OSBP2: variants seen among roughly 807,000 people sequenced by gnomAD.
OSBP2 encodes the protein oxysterol binding protein 2.
A neutral mutation model predicts 96.0 loss-of-function variants in OSBP2; 66 were observed. The ratio of observed to expected loss-of-function variants is 0.69; its 90% confidence interval spans 0.56 to 0.84. OSBP2 has a LOEUF of 0.84. OSBP2 is among the 40% of genes least tolerant of loss of function. The probability of loss-of-function intolerance (pLI) is 0.00; values close to 1 mark genes in which losing one functional copy is unlikely to be tolerated. For missense variants in OSBP2, 1,038 were observed against 1,222.7 expected (o/e 0.85, Z 2.25); for synonymous variants, 525 against 520.9 (o/e 1.01, Z -0.11).
In OSBP2 at chr22:30,861,323, G is replaced by T. The variant is rs571036486; in HGVS notation, c.854-9106G>T. On this transcript the variant is annotated intron_variant, in intron 2 of 13. Transcript: ENST00000332585. ...TCCCACAGGCCCCACCCTGGCCTTG[G>T]TAATAGGTGTCCCTGGTAGGGCGGA... Among the ~76,000 whole-genome samples the T allele has an allele frequency of 8.5e-5, 13 of 152,288 alleles. No individual in the cohort carries two copies. In the South Asian group the frequency reaches 2.5e-3, roughly 29 times the overall value.
chr22:30,744,930 C>G (rs1473444989), intron 2 of OSBP2, among the ~76,000 whole-genome samples: 1 of 152,090 alleles, frequency 6.6e-6, no homozygotes, highest in Non-Finnish European at 1.5e-5. Context: ...GGCCACAAAA[C>G]AAGTCTCAAT....
chr22:30,801,598 C>T (rs557680178), intron 2 of OSBP2, among the ~76,000 whole-genome samples: 1 of 152,298 alleles, frequency 6.6e-6, no homozygotes, highest in East Asian at 1.9e-4. Context: ...TCCTTCAAAG[C>T]GGGAGCTCAC....
At chr22:30,760,690 C>A (rs1025657298) in intron 2 of OSBP2, among the ~76,000 whole-genome samples, 1 of 152,056 alleles carries the variant, frequency 6.6e-6, no homozygotes, top group African/African-American at 2.4e-5. Flanking sequence ...GTGGTGCACA[C>A]CTGTAGTCTC....
chr22:30,695,114 G>T lies in OSBP2; in HGVS notation c.205G>T (p.Val69Leu). The T allele has an allele frequency of 6.3e-7, 1 of 1,592,782 alleles. No homozygotes were observed. Among genetic ancestry groups the T allele is most frequent in the South Asian group, 1.1e-5 (1 of 87,624 alleles). ...EPERGPLSEQ[V>L]SEAVSEAVPR... ...GGAGCGGGGACCGCTGTCAGAACAG[G>T]TGTCGGAGGCAGTTTCGGAGGCAGT... The change falls in exon 1 of 14, where the codon GTG becomes TTG. Residue 69 changes from valine (V) to leucine (L), a missense_variant. This residue lies in a region of OSBP2 where 281 missense variants were observed against 273.4 expected (regional missense o/e 1.03). Transcript: ENST00000332585.
intron 1 of OSBP2, among the ~76,000 whole-genome samples, chr22:30,722,605 C>G (rs539031579): frequency 1.3e-5 from 2 of 152,104 alleles, no homozygotes; most frequent in African/African-American, 4.8e-5. Context: ...AGATCCTGAT[C>G]TTTCTTTCTT....
At chr22:30,867,866 A>AT (rs1265331562) in intron 2 of OSBP2, among the ~76,000 whole-genome samples, 1 of 152,258 alleles carries the variant, frequency 6.6e-6, no homozygotes, top group Non-Finnish European at 1.5e-5. Flanking sequence ...CCGCATCTGC[A>AT]TTGGGCATAC....
At chr22:30,849,346 C>A (rs2038933026) in intron 2 of OSBP2, among the ~76,000 whole-genome samples, 1 of 152,116 alleles carries the variant, frequency 6.6e-6, no homozygotes. Flanking sequence ...AGTGATTATA[C>A]CATTTTACAT....
chr22:30,715,054 CT>C (rs555357856), intron 1 of OSBP2, among the ~76,000 whole-genome samples: 164 of 145,316 alleles, frequency 1.1e-3, no homozygotes, highest in Admixed American at 1.0e-3. Context: ...GAAAATGTTT[CT>C]TTTTTTTTTT....
chr22:30,826,896 A>G (rs1026051869), intron 2 of OSBP2, among the ~76,000 whole-genome samples: 3 of 151,974 alleles, frequency 2.0e-5, no homozygotes, highest in Non-Finnish European at 2.9e-5. Flanking sequence ...TCCTGCCCCC[A>G]CCCTTTCCAT....
At chr22:30,803,072 CGCGGCGGCGGGAAG>C (rs1363220390) in intron 2 of OSBP2, 3 of 204,714 alleles carry the variant, frequency 1.5e-5, no homozygotes, top group Non-Finnish European at 1.9e-5. Flanking sequence ...GGACTGAGAG[CGCGGCGGCGGGAAG>C]GCGGCGGCGG....
intron 2 of OSBP2, among the ~76,000 whole-genome samples, chr22:30,861,634 G>T (rs2147087780): frequency 6.6e-6 from 1 of 152,316 alleles, no homozygotes; most frequent in Admixed American, 6.5e-5. Flanking sequence ...GGAGTCTTCA[G>T]CCGCCTGCCT....
rs182978034 is a variant in OSBP2 at position 30,859,917 on chromosome 22, A to G, written c.854-10512A>G. Among the ~76,000 whole-genome samples, 213 of 152,166 alleles carry G rather than the reference A, an allele frequency of 1.4e-3. 1 individual carries two copies. The highest frequency in any genetic ancestry group is 2.3e-3 in the Non-Finnish European group (155 of 67,990). ...CTGGAGAGGGAGCCCTGGAGCCAGGATGCCTGGCCGCCGCCCCCGGCCCCT... is the reference window on the plus strand; with the variant it reads ...CTGGAGAGGGAGCCCTGGAGCCAGGGTGCCTGGCCGCCGCCCCCGGCCCCT... On this transcript the variant is annotated intron_variant, in intron 2 of 13. Coordinates refer to ENST00000332585, the MANE Select transcript of OSBP2 (RefSeq NM_030758.4).
intron 2 of OSBP2, among the ~76,000 whole-genome samples, chr22:30,861,567 A>G (rs2039211707): frequency 6.6e-6 from 1 of 151,678 alleles, no homozygotes; most frequent in Admixed American, 6.6e-5. Flanking sequence ...TTATTATCTG[A>G]TTTTCCATCA....
intron 2 of OSBP2, among the ~76,000 whole-genome samples, chr22:30,799,415 C>A (rs1050545795): frequency 2.6e-5 from 4 of 152,254 alleles, no homozygotes; most frequent in African/African-American, 9.6e-5. Context: ...TGAGCCGCCA[C>A]GCCCAGCCTG....
chr22:30,807,977 A>T (rs1419506212), intron 2 of OSBP2, among the ~76,000 whole-genome samples: 1 of 151,810 alleles, frequency 6.6e-6, no homozygotes, highest in Non-Finnish European at 1.5e-5. Context: ...TTTTGTTGAG[A>T]CAAGGTCTTG....
chr22:30,795,568 G>A (rs187502140), intron 2 of OSBP2, among the ~76,000 whole-genome samples: 50 of 143,020 alleles, frequency 3.5e-4, no homozygotes, highest in African/African-American at 1.3e-3. Context: ...TGCCCAGGCT[G>A]TAGTGCAATG....
At position 30,819,626 on chromosome 22, in the gene OSBP2, G is replaced by A. The variant is rs1602310184; in HGVS notation, c.854-50803G>A. On this transcript the variant is annotated intron_variant, in intron 2 of 13. Coordinates refer to ENST00000332585, the MANE Select transcript of OSBP2 (RefSeq NM_030758.4). ...TATTTCACATGAGCAGAATCTGATA[G>A]TTTTTTGATTGTGACTTATAGTGTA... Among the ~76,000 whole-genome samples, 4 of 152,336 alleles carry A rather than the reference G, an allele frequency of 2.6e-5. No homozygotes were observed. In the East Asian group the frequency reaches 7.7e-4, roughly 29 times the overall value.
chr22:30,818,996 C>T (rs136228), intron 2 of OSBP2, among the ~76,000 whole-genome samples: 3 of 152,000 alleles, frequency 2.0e-5, no homozygotes, highest in South Asian at 2.1e-4. Flanking sequence ...GGTTTTAGGA[C>T]GTCACAAAGA....
intron 2 of OSBP2, among the ~76,000 whole-genome samples, chr22:30,860,522 C>CTG (rs773564208): frequency 2.8e-4 from 42 of 152,250 alleles, no homozygotes; most frequent in Non-Finnish European, 5.4e-4. Context: ...GAGGAGGGGG[C>CTG]TGCAGCCCCA....
Sources: allele counts gnomAD v4.1 joint callset (sites outside exome capture counted in the v4.1 genomes callset), GRCh38; gene constraint gnomAD v4.1.1; regional missense constraint gnomAD v4.1.1; transcripts MANE v1.5; gene names NCBI Gene and HGNC (gene_info 2026-07-23, HGNC 2026-07-21).